CPM: variants seen among roughly 807,000 people sequenced by gnomAD.
CPM encodes renal carboxypeptidase.
In CPM, 35 loss-of-function variants were observed where a neutral mutation model predicts 46.4. The ratio of observed to expected loss-of-function variants is 0.75; its 90% CI spans 0.58 to 1.00. The LOEUF (loss-of-function observed/expected upper bound fraction) is 1.00. CPM is among the 50% of genes least tolerant of loss of function. The pLI, the probability that CPM is intolerant of heterozygous loss-of-function variation, is 0.00. For synonymous variants in CPM, 195 were observed against 195.3 expected (o/e 1.00, Z 0.01); for missense variants, 422 against 530.4 (o/e 0.80, Z 2.01).
chr12:68,858,320 C>A (rs1472539974), intron 8 of CPM, among the ~76,000 whole-genome samples: 1 of 152,194 alleles, frequency 6.6e-6, no homozygotes, highest in Non-Finnish European at 1.5e-5. Flanking sequence ...TTAGTTCTTT[C>A]ACATAAATCC....
chr12:68,958,507 A>T (rs1889061975), intron 1 of CPM, among the ~76,000 whole-genome samples: 1 of 151,472 alleles, frequency 6.6e-6, no homozygotes, highest in African/African-American at 2.4e-5. Flanking sequence ...GGAGTCTTTG[A>T]CTCTCCACCC....
chr12:68,898,609 TAA>T (rs1218513913), intron 2 of CPM, among the ~76,000 whole-genome samples: 1 of 152,198 alleles, frequency 6.6e-6, no homozygotes, highest in Non-Finnish European at 1.5e-5. Context: ...AGTAGTTTAG[TAA>T]AGACATCAAA....
intron 3 of CPM, among the ~76,000 whole-genome samples, chr12:68,883,810 C>T (rs142517323): frequency 1.3e-5 from 2 of 151,752 alleles, no homozygotes; most frequent in Non-Finnish European, 2.9e-5. Flanking sequence ...CAAATGCATT[C>T]TGAGTCAGGC....
At chr12:68,884,562 TC>T (rs1343020716) in intron 3 of CPM, among the ~76,000 whole-genome samples, 2 of 152,158 alleles carry the variant, frequency 1.3e-5, no homozygotes, top group African/African-American at 2.4e-5. Flanking sequence ...CTATTGCAAA[TC>T]CAGAAGTGTT....
In CPM at chr12:68,851,249, T is replaced by C. The variant is rs571121980; in HGVS notation, c.*5188A>G. ...ACTAAATTCAGAGGTAGTCATGGCC[T>C]CTCCCCAATAAACTTTACAGTCTTA... On this transcript the variant is annotated 3_prime_UTR_variant, in exon 9 of 9. Coordinates refer to ENST00000551568, the MANE Select transcript of CPM (RefSeq NM_198320.5). The C allele has an allele frequency of 1.3e-5, 2 of 152,610 alleles. No homozygotes were observed. Among genetic ancestry groups the C allele is most frequent in the Non-Finnish European group, 2.9e-5 (2 of 68,034 alleles). 9.5% of individuals were successfully genotyped at this position (152,610 alleles called of 1,614,324 possible).
chr12:68,866,850 G>T, intron 7 of CPM, 46 bp downstream of exon 7: 1 of 1,528,362 alleles, frequency 6.5e-7, no homozygotes, highest in Non-Finnish European at 9.0e-7. Flanking sequence ...CTTGCCAGAT[G>T]CTCTATTTTG....
intron 1 of CPM, among the ~76,000 whole-genome samples, chr12:68,950,454 A>G (rs1888915996): frequency 6.6e-6 from 1 of 152,214 alleles, no homozygotes; most frequent in Admixed American, 6.5e-5. Flanking sequence ...CAATTTAGCT[A>G]AACTGGAACT....
At chr12:68,916,220 T>A (rs1430668362) in intron 2 of CPM, among the ~76,000 whole-genome samples, 3 of 152,214 alleles carry the variant, frequency 2.0e-5, no homozygotes, top group South Asian at 2.1e-4. Flanking sequence ...ACATTCTGAA[T>A]AATTAATGCT....
intron 1 of CPM, among the ~76,000 whole-genome samples, chr12:68,938,306 G>A (rs549854460): frequency 2.6e-5 from 4 of 152,024 alleles, no homozygotes; most frequent in Non-Finnish European, 5.9e-5. Flanking sequence ...GGAGGCTGGG[G>A]CAGGAGGATT....
At chr12:68,937,798 T>G (rs1416737983), upstream of CPM, among the ~76,000 whole-genome samples, 2 of 152,262 alleles carry the variant, frequency 1.3e-5, no homozygotes, top group Non-Finnish European at 2.9e-5. Flanking sequence ...TGAAAAGTTT[T>G]TCCACCAAAC....
chr12:68,929,287 CT>C (rs1485958865), intron 2 of CPM, among the ~76,000 whole-genome samples: 1 of 152,058 alleles, frequency 6.6e-6, no homozygotes, highest in Non-Finnish European at 1.5e-5. Flanking sequence ...CTTCCCATGC[CT>C]TTTGCTCAGC....
chr12:68,864,220 G>A (rs796652719), intron 7 of CPM, among the ~76,000 whole-genome samples: 28 of 152,324 alleles, frequency 1.8e-4, no homozygotes, highest in African/African-American at 6.5e-4. Flanking sequence ...CGAGGCCGGC[G>A]GATCACCTGA....
intron 3 of CPM, among the ~76,000 whole-genome samples, chr12:68,880,951 A>G (rs1011843570): frequency 6.6e-6 from 1 of 152,266 alleles, no homozygotes; most frequent in Non-Finnish European, 1.5e-5. Context: ...AGTATGAGCC[A>G]TGATCCTAGT....
intron 2 of CPM, among the ~76,000 whole-genome samples, chr12:68,896,028 T>C: frequency 6.6e-6 from 1 of 152,210 alleles, no homozygotes; most frequent in East Asian, 1.9e-4. Context: ...ACCAGACCTC[T>C]TGGGATCTGT....
At chr12:68,896,919 A>G (rs1886897805) in intron 2 of CPM, among the ~76,000 whole-genome samples, 1 of 152,202 alleles carries the variant, frequency 6.6e-6, no homozygotes, top group African/African-American at 2.4e-5. Context: ...ATTGAAAAAA[A>G]AAAATAGAGG....
intron 4 of CPM, among the ~76,000 whole-genome samples, chr12:68,870,942 G>C (rs1176077076): frequency 6.6e-6 from 1 of 152,190 alleles, no homozygotes; most frequent in African/African-American, 2.4e-5. Flanking sequence ...ACATTACACA[G>C]AAGTACTTGT....
intron 3 of CPM, 134 bp downstream of exon 3, chr12:68,885,658 T>C (rs1886394531): frequency 1.4e-6 from 1 of 705,036 alleles, no homozygotes; most frequent in South Asian, 1.9e-5. Flanking sequence ...GGAAGACCTC[T>C]CTGGGCCTTG....
At chr12:68,925,647 A>C (rs1428543332) in intron 2 of CPM, among the ~76,000 whole-genome samples, 1 of 152,238 alleles carries the variant, frequency 6.6e-6, no homozygotes, top group East Asian at 1.9e-4. Flanking sequence ...AAAAAGGCTC[A>C]AAACTGTGTA....
chr12:68,919,969 G>A (rs771018878), intron 2 of CPM, among the ~76,000 whole-genome samples: 1 of 152,188 alleles, frequency 6.6e-6, no homozygotes, highest in Non-Finnish European at 1.5e-5. Context: ...GGTGGGAGAC[G>A]TTTGGGTCAT....
Sources: gnomAD v4.1 joint callset for allele counts (sites outside exome capture counted in the v4.1 genomes callset) on GRCh38, gnomAD v4.1.1 for gene constraint, MANE v1.5 for transcripts, NCBI Gene and HGNC (gene_info 2026-07-23, HGNC 2026-07-21) for gene names.